The following ACO1 variants were observed in gnomAD, a reference collection of about 807,000 sequenced individuals.
ACO1 encodes the protein cytoplasmic aconitate hydratase.
Under a neutral mutation model 105.1 loss-of-function variants are expected in ACO1, and 78 were observed. That is an observed-to-expected ratio of 0.74 (90% CI 0.62 to 0.90). The LOEUF (loss-of-function observed/expected upper bound fraction) is 0.90, where lower values mean the gene tolerates loss of function less well. Among genes scored for constraint, ACO1 ranks in the 40% least tolerant of loss-of-function variants. ACO1 has a pLI of 0.00. For missense variants in ACO1, 965 were observed against 1,111.1 expected (o/e 0.87, Z 1.87); for synonymous variants, 364 against 397.4 (o/e 0.92, Z 1.00).
Position 32,388,429 on chromosome 9 carries a change from G to A in ACO1, c.-23+3694G>A, listed in dbSNP as rs1821198615. Among the ~76,000 whole-genome samples the A allele has an allele frequency of 2.0e-5, 3 of 152,064 alleles. No individual in the cohort carries two copies. In the South Asian group the frequency reaches 6.2e-4, roughly 31 times the overall value. The stretch of plus-strand genomic sequence containing the variant: ...ACATATCTGTAGTCCCAGCTACTTG[G>A]GAGGCAGAGGCAGGAAGATCACCTG... On this transcript the variant is annotated intron_variant, in intron 1 of 20. Transcript: ENST00000309951.
chr9:32,433,175 C>A (rs546054653), intron 15 of ACO1, among the ~76,000 whole-genome samples: 1 of 152,266 alleles, frequency 6.6e-6, no homozygotes, highest in South Asian at 2.1e-4. Context: ...GGATGTGAAT[C>A]CCAGGAGGCA....
intron 1 of ACO1, among the ~76,000 whole-genome samples, chr9:32,393,416 C>T (rs1327209949): frequency 6.6e-6 from 1 of 152,126 alleles, no homozygotes. Flanking sequence ...TTTGGTCAGA[C>T]CGGTTGTCTG....
chr9:32,423,852 T>TA (rs1440035565), intron 9 of ACO1, among the ~76,000 whole-genome samples: 1 of 152,170 alleles, frequency 6.6e-6, no homozygotes, highest in Non-Finnish European at 1.5e-5. Flanking sequence ...AAATCACCGC[T>TA]AAAGAACTTA....
chr9:32,401,274 A>G (rs938889135), intron 1 of ACO1, among the ~76,000 whole-genome samples: 1 of 152,188 alleles, frequency 6.6e-6, no homozygotes. Context: ...AAGCACCAAA[A>G]GACTGTGATA....
chr9:32,405,436 G>C (rs1480038202), intron 1 of ACO1, 49 bp from the exon 2 acceptor site: 1 of 1,132,030 alleles, frequency 8.8e-7, no homozygotes, highest in East Asian at 2.4e-5. Flanking sequence ...TGATTTCTAG[G>C]TCCCAGACCT....
chr9:32,418,137 T>C lies in ACO1; in HGVS notation c.414T>C (p.Ser138=). ...IQVDFNRRAD[S]LQKNQDLEFE... ...TTTTTCTCTCTGACAGGGCAGACAG[T>C]TTACAGAAGAATCAAGACCTGGAAT... Residue 138 remains serine, a synonymous_variant, in exon 5 of 21, where the codon AGT becomes AGC. Coordinates refer to ENST00000309951, the MANE Select transcript of ACO1 (RefSeq NM_002197.3). The C allele has an allele frequency of 6.2e-7, 1 of 1,614,134 alleles. No homozygotes were observed. The highest frequency in any genetic ancestry group is 8.5e-7 in the Non-Finnish European group (1 of 1,179,988).
At chr9:32,391,752 T>C (rs1448630676) in intron 1 of ACO1, among the ~76,000 whole-genome samples, 2 of 152,234 alleles carry the variant, frequency 1.3e-5, no homozygotes, top group African/African-American at 4.8e-5. Context: ...GAAGAAGAGG[T>C]GTCAGTCTAG....
chr9:32,429,381 CT>C, intron 12 of ACO1, 37 bp from the exon 13 acceptor site: 4 of 1,596,236 alleles, frequency 2.5e-6, no homozygotes, highest in Non-Finnish European at 2.6e-6. Context: ...GAAAGTTATT[CT>C]TTTTTTGTGT....
rs1227205759 is a variant in ACO1 at position 32,442,912 on chromosome 9, CTTACATAG to C, written c.2370+2327_2370+2334del. On this transcript the variant is annotated intron_variant, in intron 19 of 20. Coordinates refer to ENST00000309951, the MANE Select transcript of ACO1 (RefSeq NM_002197.3). ...TGGAATGAGAGGAATTATTTAAGTG[CTTACATAG>C]TGCCTCTACATTATGAGCAATCAGT... Among the ~76,000 whole-genome samples, 9 of 152,258 alleles carry C rather than the reference CTTACATAG, an allele frequency of 5.9e-5. No homozygotes were observed. In the East Asian group the frequency reaches 1.7e-3, roughly 29 times the overall value.
Position 32,450,343 on chromosome 9 carries a change from G to A in ACO1, c.*232G>A. The A allele has an allele frequency of 1.7e-6, 1 of 601,076 alleles. No individual in the cohort carries two copies. Among genetic ancestry groups the A allele is most frequent in the South Asian group, 1.7e-5 (1 of 58,396 alleles). The allele number at this position is 601,076 out of a possible 1,614,324, so 37.2% of individuals were successfully genotyped here. On this transcript the variant is annotated 3_prime_UTR_variant, in exon 21 of 21. Coordinates refer to ENST00000309951, the MANE Select transcript of ACO1 (RefSeq NM_002197.3). ...CCAGAATTTGGAAGCTAGAATGGTG[G>A]GAATGTCAGTAGTGCCAGAAAGAGA... is the stretch of plus-strand genomic sequence containing the variant.
intron 1 of ACO1, among the ~76,000 whole-genome samples, chr9:32,385,836 C>T (rs1821146749): frequency 6.6e-6 from 1 of 152,220 alleles, no homozygotes. Context: ...CTCTGCACCA[C>T]ACTTTGAGGA....
intron 1 of ACO1, among the ~76,000 whole-genome samples, chr9:32,390,673 A>G (rs1821249253): frequency 6.6e-6 from 1 of 152,250 alleles, no homozygotes; most frequent in South Asian, 2.1e-4. Context: ...AAAATTTTCA[A>G]ATATGACCTA....
intron 1 of ACO1, chr9:32,386,402 C>G (rs1001902663): frequency 6.6e-6 from 1 of 152,240 alleles, no homozygotes; most frequent in East Asian, 1.9e-4. Context: ...CTTCCTCAGC[C>G]CCTGTCAAAA....
At chr9:32,388,233 GA>G (rs1216515764) in intron 1 of ACO1, among the ~76,000 whole-genome samples, 1 of 152,132 alleles carries the variant, frequency 6.6e-6, no homozygotes, top group Non-Finnish European at 1.5e-5. Flanking sequence ...AGAGACAAAG[GA>G]AATGTTAAAA....
intron 10 of ACO1, among the ~76,000 whole-genome samples, chr9:32,424,962 TC>T (rs1156255235): frequency 6.6e-6 from 1 of 152,226 alleles, no homozygotes; most frequent in Admixed American, 6.5e-5. Flanking sequence ...TGCATGCCCC[TC>T]CCTGCCTGAA....
chr9:32,407,524 T>C (rs1044564086), intron 3 of ACO1, 95 bp downstream of exon 3: 1 of 1,146,226 alleles, frequency 8.7e-7, no homozygotes, highest in Non-Finnish European at 1.2e-6. Context: ...GCAATGACTA[T>C]ATACTTTATT....
rs115676518 is a variant in ACO1, at chr9:32,409,957, A to G, written c.404+1306A>G. On this transcript the variant is annotated intron_variant, in intron 4 of 20. Coordinates refer to ENST00000309951, the MANE Select transcript of ACO1 (RefSeq NM_002197.3). ...TTTGAAAGTGAATACTTCTTAATCA[A>G]AATATGTGTACCATTTGTAATCCTA... 1.5e-3 allele frequency among the ~76,000 whole-genome samples: 235 copies of G among 152,374 alleles called. 1 individual carries two copies. Among genetic ancestry groups the G allele is most frequent in the African/African-American group, 5.5e-3 (229 of 41,594 alleles).
At chr9:32,430,108 A>C (rs1372863965) in intron 13 of ACO1, among the ~76,000 whole-genome samples, 1 of 152,220 alleles carries the variant, frequency 6.6e-6, no homozygotes, top group Non-Finnish European at 1.5e-5. Context: ...ACTTCCTTTA[A>C]CGATCAACTG....
intron 7 of ACO1, among the ~76,000 whole-genome samples, chr9:32,420,242 A>G (rs897842494): frequency 1.8e-5 from 2 of 113,430 alleles, no homozygotes; most frequent in Non-Finnish European, 4.4e-5. Flanking sequence ...CATTTGACTT[A>G]TACTTGTAGC....
Sources: gnomAD v4.1 joint callset for allele counts (sites outside exome capture counted in the v4.1 genomes callset) on GRCh38, gnomAD v4.1.1 for gene constraint, MANE v1.5 for transcripts, NCBI Gene and HGNC (gene_info 2026-07-23, HGNC 2026-07-21) for gene names.